NEGR1: variants seen among roughly 807,000 people sequenced by gnomAD.
The protein encoded by NEGR1 is IgLON family member 4.
A neutral mutation model predicts 40.9 loss-of-function variants in NEGR1; 10 were observed. The observed-to-expected ratio is 0.24, with a 90% CI of 0.15 to 0.42. NEGR1 has a LOEUF of 0.42. NEGR1 is among the 10% of genes least tolerant of loss of function. NEGR1 has a pLI of 1.00. For synonymous variants in NEGR1, 185 were observed against 166.8 expected (o/e 1.11, Z -0.84); for missense variants, 352 against 438.9 (o/e 0.80, Z 1.77).
chr1:72,255,545 T>TCC (rs1655239981), intron 1 of NEGR1, among the ~76,000 whole-genome samples: 1 of 127,766 alleles, frequency 7.8e-6, no homozygotes, highest in Admixed American at 7.7e-5. Context: ...TCAAAAATAC[T>TCC]TCTTTTTTTT....
In NEGR1 at chr1:71,935,076, T is replaced by A; in HGVS notation, c.409+3A>T. 1 of 1,567,614 alleles carries A rather than the reference T, an allele frequency of 6.4e-7. No homozygotes were observed. The highest frequency in any genetic ancestry group is 1.1e-5 in the South Asian group (1 of 90,070). The stretch of plus-strand genomic sequence containing the variant: ...ACAATATAGCAGTTCTGAAAATACA[T>A]ACCTTGCACAGTTAGATGCACCTGC... On this transcript the variant is annotated splice_donor_region_variant and intron_variant, in intron 2 of 6. Coordinates refer to ENST00000357731, the MANE Select transcript of NEGR1 (RefSeq NM_173808.3).
chr1:72,199,270 G>A (rs1452186521), intron 1 of NEGR1, among the ~76,000 whole-genome samples: 1 of 151,566 alleles, frequency 6.6e-6, no homozygotes, highest in Non-Finnish European at 1.5e-5. Flanking sequence ...CTCTGGGGGG[G>A]GTGCCATGCA....
intron 3 of NEGR1, among the ~76,000 whole-genome samples, chr1:71,771,908 A>G (rs1465935880): frequency 3.9e-5 from 6 of 152,014 alleles, no homozygotes; most frequent in African/African-American, 1.2e-4. Flanking sequence ...CAATAATGTC[A>G]AATCTAAGGG....
At chr1:71,760,286 G>T (rs1655898010) in intron 3 of NEGR1, among the ~76,000 whole-genome samples, 1 of 152,032 alleles carries the variant, frequency 6.6e-6, no homozygotes, top group South Asian at 2.1e-4. Flanking sequence ...CATTGTTCTG[G>T]CATTATATGT....
intron 1 of NEGR1, among the ~76,000 whole-genome samples, chr1:72,144,385 T>G (rs546960057): frequency 3.0e-4 from 46 of 152,056 alleles, no homozygotes; most frequent in Non-Finnish European, 5.6e-4. Flanking sequence ...TGAGGTGTAT[T>G]CTACTAATGT....
At chr1:71,566,944 A>G (rs1648640500) in intron 6 of NEGR1, among the ~76,000 whole-genome samples, 1 of 152,156 alleles carries the variant, frequency 6.6e-6, no homozygotes, top group Admixed American at 6.5e-5. Context: ...CTCTTTTGTA[A>G]GAGTACTAAT....
chr1:71,426,143 G>A (rs944262892), intron 6 of NEGR1, among the ~76,000 whole-genome samples: 4 of 152,068 alleles, frequency 2.6e-5, no homozygotes, highest in African/African-American at 9.7e-5. Flanking sequence ...TGTTTCCAAT[G>A]GGAGAAAAAG....
intron 1 of NEGR1, among the ~76,000 whole-genome samples, chr1:72,278,847 T>A (rs1037452811): frequency 6.6e-6 from 1 of 152,142 alleles, no homozygotes; most frequent in Non-Finnish European, 1.5e-5. Context: ...TTTAATAAGT[T>A]AATGGCAACA....
At position 71,982,098 on chromosome 1, in the gene NEGR1, A is replaced by G. The variant is rs1309928899; in HGVS notation, c.177-46787T>C. ...CGGTTCTTTCAATTTACAAAAGGGA[A>G]TAAGAATGTCAAGATATGCCAGTTA... On this transcript the variant is annotated intron_variant, in intron 1 of 6. Coordinates refer to ENST00000357731, the MANE Select transcript of NEGR1 (RefSeq NM_173808.3). Among the ~76,000 whole-genome samples, 5 of 152,312 alleles carry G rather than the reference A, an allele frequency of 3.3e-5. No individual in the cohort carries two copies. In the South Asian group the frequency reaches 6.2e-4, roughly 19 times the overall value.
chr1:71,558,585 T>C (rs1021857929), intron 6 of NEGR1, among the ~76,000 whole-genome samples: 2 of 151,568 alleles, frequency 1.3e-5, no homozygotes, highest in Non-Finnish European at 3.0e-5. Context: ...TCAGTTATAA[T>C]ATAGCACCAT....
intron 6 of NEGR1, chr1:71,472,596 T>TG (rs1557538126): frequency 2.0e-5 from 3 of 152,152 alleles, no homozygotes; most frequent in Admixed American, 2.0e-4. Flanking sequence ...TGGAACCAGC[T>TG]GACTGATCTA....
intron 1 of NEGR1, among the ~76,000 whole-genome samples, chr1:72,215,544 G>A (rs1653769614): frequency 6.6e-6 from 1 of 152,000 alleles, no homozygotes; most frequent in African/African-American, 2.4e-5. Context: ...ATCAAAAAGT[G>A]GGCAAAGGAT....
At chr1:71,609,763 G>A (rs188938353) in intron 5 of NEGR1, among the ~76,000 whole-genome samples, 1 of 152,068 alleles carries the variant, frequency 6.6e-6, no homozygotes, top group Admixed American at 6.5e-5. Flanking sequence ...TTGGTTATGA[G>A]CCATGACATA....
At chr1:71,803,469 A>G (rs897168669) in intron 2 of NEGR1, among the ~76,000 whole-genome samples, 1 of 152,100 alleles carries the variant, frequency 6.6e-6, no homozygotes, top group East Asian at 1.9e-4. Flanking sequence ...GCTAACAGTG[A>G]CCTTCCTCTC....
intron 1 of NEGR1, among the ~76,000 whole-genome samples, chr1:72,204,721 A>G (rs1485998287): frequency 1.3e-5 from 2 of 152,208 alleles, no homozygotes; most frequent in Non-Finnish European, 2.9e-5. Context: ...AATATAAATA[A>G]TATACATGGA....
chr1:71,553,017 C>T (rs981355509), intron 6 of NEGR1, among the ~76,000 whole-genome samples: 4 of 151,260 alleles, frequency 2.6e-5, no homozygotes, highest in African/African-American at 7.3e-5. Context: ...CAGTCTATTT[C>T]GTTCCACAGA....
rs74689938 is a variant in NEGR1, at chr1:71,922,297, C to A, written c.409+12782G>T. 3.4e-3 allele frequency among the ~76,000 whole-genome samples: 520 copies of A among 152,292 alleles called. 3 individuals carry two copies. Among genetic ancestry groups the A allele is most frequent in the Admixed American group, 5.9e-3 (91 of 15,296 alleles). ...TCTACAATCACTCTCTTGCCAGTAT[C>A]TCCCATTGAGTGAACCCTGCCAGAA... On this transcript the variant is annotated intron_variant, in intron 2 of 6. Transcript: ENST00000357731.
intron 4 of NEGR1, among the ~76,000 whole-genome samples, chr1:71,693,526 T>C (rs1653366595): frequency 6.6e-6 from 1 of 151,518 alleles, no homozygotes; most frequent in Non-Finnish European, 1.5e-5. Context: ...TACATTCACA[T>C]ATATGTATAT....
intron 6 of NEGR1, among the ~76,000 whole-genome samples, chr1:71,436,143 G>C (rs925611169): frequency 6.6e-6 from 1 of 151,858 alleles, no homozygotes; most frequent in African/African-American, 2.4e-5. Context: ...CCTGCTGGAG[G>C]AAACAGTGTC....
Sources: gnomAD v4.1 joint callset for allele counts (sites outside exome capture counted in the v4.1 genomes callset) on GRCh38, gnomAD v4.1.1 for gene constraint, MANE v1.5 for transcripts, NCBI Gene and HGNC (gene_info 2026-07-23, HGNC 2026-07-21) for gene names.